Variants in HLF observed in about 807,000 individuals in gnomAD.
HLF encodes the protein HLF transcription factor, PAR bZIP family member, also known as hepatic leukemia factor.
HLF carries 3 observed loss-of-function variants against 22.6 expected under a neutral mutation model. The observed-to-expected ratio is 0.13, with a 90% confidence interval of 0.06 to 0.34. The LOEUF (loss-of-function observed/expected upper bound fraction) is 0.34. HLF is among the 10% of genes least tolerant of loss of function. The pLI, the probability that HLF is intolerant of heterozygous loss-of-function variation, is 1.00. For missense variants in HLF, 299 were observed against 389.2 expected (o/e 0.77, Z 1.95); for synonymous variants, 151 against 151.8 (o/e 0.99, Z 0.04).
Position 55,268,003 on chromosome 17 carries a change from T to G in HLF, c.368T>G (p.Val123Gly), listed in dbSNP as rs1464815025. ...CCAGCTTCCTCGGCTGCCCCCTCGG[T>G]CATGGACCTCAGCAGCCGGGCCTCT... The part of the protein sequence containing the change: ...LQPASSAAPS[V>G]MDLSSRASAP... The change falls in exon 2 of 4, where the codon GTC becomes GGC. Residue 123 changes from valine to glycine, a missense_variant. Physicochemically the swap from Val to Gly is moderately radical, Grantham distance 109. Transcript: ENST00000226067. The G allele has an allele frequency of 1.2e-6, 2 of 1,613,544 alleles. No homozygotes were observed. The highest frequency in any genetic ancestry group is 3.3e-5 in the Admixed American group (2 of 59,974).
Position 55,274,082 on chromosome 17 carries a change from A to G in HLF, c.451+5996A>G, listed in dbSNP as rs556872112. The stretch of plus-strand genomic sequence containing the variant: ...AGACTAGAAAAATAGCAATATAAAG[A>G]CAGAATTAGGTGGAGGAGAAGGAAA... On this transcript the variant is annotated intron_variant, in intron 2 of 3. Transcript: ENST00000226067. 1.0e-4 allele frequency among the ~76,000 whole-genome samples: 15 copies of G among 150,164 alleles called. No individual in the cohort carries two copies. The East Asian group carries it at 3.0e-3, about 30-fold the overall frequency.
chr17:55,323,707 C>T lies in HLF; in HGVS notation c.*2828C>T. On this transcript the variant is annotated 3_prime_UTR_variant, in exon 4 of 4. Coordinates refer to ENST00000226067, the MANE Select transcript of HLF (RefSeq NM_002126.5). ...CAGGGCAGTTAACTAGCAAACAAGG[C>T]AGATCTGCTTCATGGAGCGGGAGGC... 4.3e-6 allele frequency: 1 copy of T among 230,232 alleles called. No homozygotes were observed. Among genetic ancestry groups the T allele is most frequent in the East Asian group, 6.2e-5 (1 of 16,238 alleles). The allele number at this position is 230,232 out of a possible 1,614,324, so 14.3% of individuals were successfully genotyped here.
intron 2 of HLF, among the ~76,000 whole-genome samples, chr17:55,274,109 G>T (rs2080883338): frequency 6.6e-6 from 1 of 152,062 alleles, no homozygotes; most frequent in Admixed American, 6.5e-5. Context: ...AGAAGGAAAG[G>T]GGGTGGGGGA....
intron 2 of HLF, among the ~76,000 whole-genome samples, chr17:55,299,753 A>C (rs1003788713): frequency 4.0e-5 from 6 of 151,886 alleles, no homozygotes; most frequent in Admixed American, 1.3e-4. Flanking sequence ...TTTTTGAAAA[A>C]TATTTTTTAG....
rs192934968 is a variant in HLF, at chr17:55,266,089, T to G, written c.115+490T>G. ...TTACAGCTTCTGTTACTGGTTAGTA[T>G]TTGGAACTCACGAGGTGTGAGAGAA... On this transcript the variant is annotated intron_variant, in intron 1 of 3. Transcript: ENST00000226067. 4.5e-3 allele frequency: 693 copies of G among 152,994 alleles called. 4 individuals are homozygous for G. The highest frequency in any genetic ancestry group is 0.016 in the African/African-American group (648 of 41,542). The allele number at this position is 152,994 out of a possible 1,614,324, so 9.5% of individuals were successfully genotyped here. A position where few individuals can be genotyped will look rare whatever the true frequency, so the allele number is the denominator to read the frequency against.
chr17:55,273,335 G>A (rs1164581043), intron 2 of HLF, among the ~76,000 whole-genome samples: 1 of 152,228 alleles, frequency 6.6e-6, no homozygotes, highest in African/African-American at 2.4e-5. Flanking sequence ...TATTGCACGA[G>A]TACTGGGTGC....
At chr17:55,315,141 T>TA in intron 2 of HLF, 86 bp from the exon 3 acceptor site, 1 of 952,794 alleles carries the variant, frequency 1.0e-6, no homozygotes, top group Non-Finnish European at 1.7e-6. Context: ...TGAAGACTCT[T>TA]ACCACTCATC....
chr17:55,288,595 T>A (rs548557488), intron 2 of HLF, among the ~76,000 whole-genome samples: 3 of 152,080 alleles, frequency 2.0e-5, no homozygotes, highest in Admixed American at 2.0e-4. Flanking sequence ...AAACCCCATC[T>A]CTACCAAAAA....
At chr17:55,267,373 A>G (rs2080802110) in intron 1 of HLF, among the ~76,000 whole-genome samples, 1 of 152,206 alleles carries the variant, frequency 6.6e-6, no homozygotes, top group South Asian at 2.1e-4. Context: ...AAGCCTGGTT[A>G]TTGGCTGTTG....
At chr17:55,281,350 C>T (rs1373745560) in intron 2 of HLF, among the ~76,000 whole-genome samples, 1 of 152,010 alleles carries the variant, frequency 6.6e-6, no homozygotes, top group East Asian at 1.9e-4. Context: ...CCCGTCTCTA[C>T]GAAAAATACA....
intron 2 of HLF, among the ~76,000 whole-genome samples, chr17:55,304,608 T>C (rs924163479): frequency 6.6e-6 from 1 of 152,194 alleles, no homozygotes; most frequent in Non-Finnish European, 1.5e-5. Flanking sequence ...TCTGGGCCAC[T>C]TTGAGTACTG....
At position 55,265,292 on chromosome 17, in the gene HLF, GT is replaced by G. The variant is rs564866737; in HGVS notation, c.-184del. On this transcript the variant is annotated 5_prime_UTR_variant, in exon 1 of 4. Coordinates refer to ENST00000226067, the MANE Select transcript of HLF (RefSeq NM_002126.5). ...GACCGTCTGCACTGGAAACCCGAAA[GT>G]TTTTTTTTAATATATATTTTTATGC... 56 of 494,806 alleles carry G rather than the reference GT, an allele frequency of 1.1e-4. No individual in the cohort carries two copies. Among genetic ancestry groups the G allele is most frequent in the South Asian group, 2.4e-4 (8 of 33,668 alleles). 30.7% of individuals were successfully genotyped at this position (494,806 alleles called of 1,614,324 possible).
chr17:55,278,974 G>A (rs950514250), intron 2 of HLF, among the ~76,000 whole-genome samples: 1 of 152,180 alleles, frequency 6.6e-6, no homozygotes, highest in Non-Finnish European at 1.5e-5. Flanking sequence ...AGTTCCTGAA[G>A]ACAAGAAGAG....
At chr17:55,300,031 A>G (rs1281786736) in intron 2 of HLF, among the ~76,000 whole-genome samples, 1 of 151,932 alleles carries the variant, frequency 6.6e-6, no homozygotes, top group Admixed American at 6.6e-5. Context: ...TAGAGATAAG[A>G]TCTTGCTACA....
intron 1 of HLF, 167 bp from the exon 2 acceptor site, chr17:55,267,584 G>A (rs1480446849): frequency 1.1e-5 from 6 of 554,216 alleles, no homozygotes; most frequent in South Asian, 2.6e-5. Context: ...AGAGATCCAC[G>A]TCCTGCCTGA....
chr17:55,273,380 A>G (rs2080875542), intron 2 of HLF: 1 of 152,242 alleles, frequency 6.6e-6, no homozygotes, highest in South Asian at 2.1e-4. Flanking sequence ...CATGAGGTAC[A>G]GAAAGGAATG....
In HLF at chr17:55,323,775, G is replaced by A. The variant is rs754319130; in HGVS notation, c.*2896G>A. ...TGATTTGGGTCAACCGGAGTCAGACGCATGTCTGCACGCTGCAGCTATTAT... is the reference window on the plus strand; with the variant it reads ...TGATTTGGGTCAACCGGAGTCAGACACATGTCTGCACGCTGCAGCTATTAT... On this transcript the variant is annotated 3_prime_UTR_variant, in exon 4 of 4. Transcript: ENST00000226067. The A allele has an allele frequency of 8.7e-6, 2 of 230,682 alleles. No homozygotes were observed. The allele number at this position is 230,682 out of a possible 1,614,324, so 14.3% of individuals were successfully genotyped here. A position where few individuals can be genotyped will look rare whatever the true frequency, so the allele number is the denominator to read the frequency against.
chr17:55,312,666 G>A (rs1287907011), intron 2 of HLF, among the ~76,000 whole-genome samples: 1 of 152,214 alleles, frequency 6.6e-6, no homozygotes, highest in African/African-American at 2.4e-5. Flanking sequence ...TTCACGTCAA[G>A]ATGTTAAGGG....
At chr17:55,287,682 C>A (rs1254311777) in intron 2 of HLF, among the ~76,000 whole-genome samples, 1 of 152,192 alleles carries the variant, frequency 6.6e-6, no homozygotes, top group African/African-American at 2.4e-5. Flanking sequence ...AGTGTAAATA[C>A]TTCAATCCTG....
Sources: gnomAD v4.1 joint callset for allele counts (sites outside exome capture counted in the v4.1 genomes callset) on GRCh38, gnomAD v4.1.1 for gene constraint, MANE v1.5 for transcripts, NCBI Gene and HGNC (gene_info 2026-07-23, HGNC 2026-07-21) for gene names.